Variants in BEND3 observed in about 807,000 individuals in gnomAD.
The protein encoded by BEND3 is BEN domain-containing protein 3.
Under a neutral mutation model 60.1 loss-of-function variants are expected in BEND3, and 13 were observed. That is an observed-to-expected ratio of 0.22 (90% CI 0.14 to 0.34). BEND3 has a LOEUF of 0.34. BEND3 is among the 10% of genes least tolerant of loss of function. The pLI is 1.00. For missense variants in BEND3, 896 were observed against 1,138.1 expected (o/e 0.79, Z 3.06); for synonymous variants, 497 against 491.5 (o/e 1.01, Z -0.15).
chr6:107,079,684 G>A (rs1296320411), intron 3 of BEND3, among the ~76,000 whole-genome samples: 1 of 152,156 alleles, frequency 6.6e-6, no homozygotes, highest in Non-Finnish European at 1.5e-5. Context: ...CAGAGAAAGT[G>A]ACAGTGTCTT....
At chr6:107,078,550 G>A (rs1554233043) in intron 3 of BEND3, among the ~76,000 whole-genome samples, 6 of 16,200 alleles carry the variant, frequency 3.7e-4, no homozygotes, top group Non-Finnish European at 5.3e-4. Context: ...TGCCTCCTGG[G>A]TTCATGCCAT....
At position 107,068,980 on chromosome 6, in the gene BEND3, G is replaced by A. The variant is rs782728708; in HGVS notation, c.2211C>T (p.Gly737=). 6.2e-7 allele frequency: 1 copy of A among 1,613,724 alleles called. No homozygotes were observed. Among genetic ancestry groups the A allele is most frequent in the African/African-American group, 1.3e-5 (1 of 74,936 alleles). Residue 737 remains glycine, a synonymous_variant, in exon 4 of 4, where the codon GGC becomes GGT. Transcript: ENST00000369042. The surrounding 1 kb of genome is among the most constrained non-coding windows in gnomAD (Gnocchi z 5.8). ...GGACGAGGAGCCGGGCGGCAAAGTTGCCCACGGAGAGGCTCTGCTGCACGA... is the reference window on the plus strand; with the variant it reads ...GGACGAGGAGCCGGGCGGCAAAGTTACCCACGGAGAGGCTCTGCTGCACGA... The part of the protein sequence containing the change: ...REIVQQSLSV[G]NFAARLLVRL...
At chr6:107,106,968 G>C (rs1050083107) in intron 1 of BEND3, among the ~76,000 whole-genome samples, 1 of 137,634 alleles carries the variant, frequency 7.3e-6, no homozygotes, top group Admixed American at 8.0e-5. Context: ...ACGGAGTCTC[G>C]CTCTGTCGCC....
intron 1 of BEND3, among the ~76,000 whole-genome samples, chr6:107,111,287 G>C (rs936428715): frequency 2.0e-4 from 30 of 152,014 alleles, no homozygotes; most frequent in African/African-American, 7.0e-4. Flanking sequence ...GAGGTGGGCA[G>C]ATCACCTAAG....
Position 107,108,767 on chromosome 6 carries a change from A to C in BEND3, c.-12+6323T>G, listed in dbSNP as rs1554237902. On this transcript the variant is annotated intron_variant, in intron 1 of 3. Transcript: ENST00000369042. Reference sequence around the variant, plus strand: ...CAGAAATAACTGAAAATCAGACAAGAGGAGAGGTGGCCACAGGTAGAAAAA... The same window carrying C: ...CAGAAATAACTGAAAATCAGACAAGCGGAGAGGTGGCCACAGGTAGAAAAA... Among the ~76,000 whole-genome samples, 3 of 152,198 alleles carry C rather than the reference A, an allele frequency of 2.0e-5. 1 individual carries two copies. Among genetic ancestry groups the C allele is most frequent in the Non-Finnish European group, 4.4e-5 (3 of 68,050 alleles).
At chr6:107,090,092 T>C (rs1035808257) in intron 3 of BEND3, among the ~76,000 whole-genome samples, 2 of 151,930 alleles carry the variant, frequency 1.3e-5, no homozygotes, top group East Asian at 3.9e-4. Context: ...CTCATGTTTG[T>C]AATCCCAGCA....
chr6:107,107,116 T>C (rs1367361899), intron 1 of BEND3, among the ~76,000 whole-genome samples: 2 of 151,894 alleles, frequency 1.3e-5, no homozygotes, highest in Admixed American at 1.3e-4. Context: ...TTTGTATTTT[T>C]AGTAGAGACA....
At chr6:107,110,440 TACTG>T (rs1775916014) in intron 1 of BEND3, among the ~76,000 whole-genome samples, 1 of 152,092 alleles carries the variant, frequency 6.6e-6, no homozygotes, top group South Asian at 2.1e-4. Context: ...TTGCAAGAAA[TACTG>T]ACGTATCAGA....
chr6:107,107,101 T>C (rs1455988672), intron 1 of BEND3, among the ~76,000 whole-genome samples: 2 of 151,936 alleles, frequency 1.3e-5, no homozygotes, highest in African/African-American at 2.4e-5. Flanking sequence ...CACATCCGGC[T>C]AATTTTTGTA....
intron 1 of BEND3, among the ~76,000 whole-genome samples, chr6:107,109,628 C>T (rs1775898947): frequency 6.6e-6 from 1 of 151,526 alleles, no homozygotes; most frequent in African/African-American, 2.4e-5. Flanking sequence ...AGCCCCAGCA[C>T]TTTGGGAGGC....
intron 1 of BEND3, among the ~76,000 whole-genome samples, chr6:107,111,008 AT>A (rs1554238319): frequency 2.9e-4 from 44 of 149,610 alleles, no homozygotes; most frequent in South Asian, 1.5e-3. Flanking sequence ...TACTAAAAAT[AT>A]AAAAAATTAG....
chr6:107,088,285 A>G (rs311216), intron 3 of BEND3, among the ~76,000 whole-genome samples: 122,906 of 152,100 alleles, frequency 0.81, 49,716 homozygotes, highest in East Asian at 0.9. Flanking sequence ...GAAAAGCAAC[A>G]AGAAAAAGGA....
At chr6:107,091,865 A>G (rs1554235265) in intron 3 of BEND3, among the ~76,000 whole-genome samples, 1 of 152,200 alleles carries the variant, frequency 6.6e-6, no homozygotes, top group Non-Finnish European at 1.5e-5. Flanking sequence ...CTACAGACCA[A>G]TATTTCTCAT....
At chr6:107,098,289 C>A (rs1194762501) in intron 3 of BEND3, among the ~76,000 whole-genome samples, 1 of 152,212 alleles carries the variant, frequency 6.6e-6, no homozygotes, top group Admixed American at 6.5e-5. Flanking sequence ...TGCTTTCCCC[C>A]ACAAAGCACA....
At chr6:107,101,075 G>A (rs1461406999) in intron 1 of BEND3, among the ~76,000 whole-genome samples, 1 of 152,090 alleles carries the variant, frequency 6.6e-6, no homozygotes, top group Non-Finnish European at 1.5e-5. Context: ...GGTGGCACAC[G>A]CCTATAGTCC....
chr6:107,079,616 C>T (rs56869081), intron 3 of BEND3, among the ~76,000 whole-genome samples: 2,291 of 152,216 alleles, frequency 0.015, 60 homozygotes, highest in African/African-American at 0.05. Context: ...CAAGCCACAC[C>T]CCCATCGCAT....
In BEND3 at chr6:107,070,372, C is replaced by T. The variant is rs782008319; in HGVS notation, c.819G>A (p.Gln273=). The T allele has an allele frequency of 6.2e-7, 1 of 1,613,704 alleles. No homozygotes were observed. The highest frequency in any genetic ancestry group is 1.1e-5 in the South Asian group (1 of 91,080). The change falls in exon 4 of 4, where the codon CAG becomes CAA. Residue 273 remains glutamine (Q), a synonymous_variant. Transcript: ENST00000369042. The surrounding 1 kb of genome is among the most constrained non-coding windows in gnomAD (Gnocchi z 6.9). The part of the protein sequence containing the change: ...GGDLACRLLV[Q]LFPELFSDVD... ...CGTCGCTGAAGAGCTCGGGGAAGAG[C>T]TGCACCAGCAAGCGGCAGGCCAGGT...
chr6:107,099,190 T>G, intron 2 of BEND3, 59 bp downstream of exon 2: 1 of 1,363,028 alleles, frequency 7.3e-7, no homozygotes, highest in Non-Finnish European at 1.0e-6. Flanking sequence ...TGTGAATGTA[T>G]GACCTGATCA....
chr6:107,114,839 G>T (rs1554239052), intron 1 of BEND3, among the ~76,000 whole-genome samples: 3 of 148,722 alleles, frequency 2.0e-5, no homozygotes, highest in African/African-American at 7.3e-5. Context: ...TTCCGAGCGG[G>T]CACAAAGGGG....
Sources: gnomAD v4.1 joint callset for allele counts (sites outside exome capture counted in the v4.1 genomes callset) on GRCh38, gnomAD v4.1.1 for gene constraint, Gnocchi (gnomAD v3.1) non-coding constraint, MANE v1.5 for transcripts, NCBI Gene and HGNC (gene_info 2026-07-23, HGNC 2026-07-21) for gene names.